GPC6: variants seen among roughly 807,000 people sequenced by gnomAD.
GPC6 encodes glypican 6.
A neutral mutation model predicts 55.2 loss-of-function variants in GPC6; 14 were observed. That is an observed-to-expected ratio of 0.25 (90% CI 0.17 to 0.40). The LOEUF is 0.40. GPC6 is among the 10% of genes least tolerant of loss of function. The pLI is 1.00. For missense variants in GPC6, 641 were observed against 708.5 expected (o/e 0.90, Z 1.08); for synonymous variants, 278 against 259.6 (o/e 1.07, Z -0.68).
chr13:93,274,852 T>C (rs1470013395), intron 1 of GPC6, among the ~76,000 whole-genome samples: 2 of 152,240 alleles, frequency 1.3e-5, no homozygotes, highest in Non-Finnish European at 2.9e-5. Flanking sequence ...AATTTTGATA[T>C]AATTTCCTGT....
chr13:94,088,511 A>G (rs1485286167), intron 4 of GPC6, among the ~76,000 whole-genome samples: 1 of 147,664 alleles, frequency 6.8e-6, no homozygotes, highest in Non-Finnish European at 1.5e-5. Flanking sequence ...CAACTTAGCA[A>G]GACCCTGTCT....
At chr13:94,197,312 A>G (rs1301095441) in intron 4 of GPC6, among the ~76,000 whole-genome samples, 1 of 152,224 alleles carries the variant, frequency 6.6e-6, no homozygotes. Flanking sequence ...CCTGCCAAGC[A>G]TCATCAAGTT....
chr13:93,854,992 G>A (rs1325474093), intron 3 of GPC6, among the ~76,000 whole-genome samples: 1 of 151,560 alleles, frequency 6.6e-6, no homozygotes, highest in Non-Finnish European at 1.5e-5. Flanking sequence ...CCCCACCAGA[G>A]TGGCACATGT....
intron 3 of GPC6, among the ~76,000 whole-genome samples, chr13:93,932,973 CTTTTT>C (rs59362571): frequency 4.9e-5 from 5 of 102,380 alleles, no homozygotes; most frequent in Admixed American, 1.0e-4. Flanking sequence ...TTGTTTTGTT[CTTTTT>C]TTTTTTTTTT....
intron 2 of GPC6, among the ~76,000 whole-genome samples, chr13:93,779,833 TG>T (rs1885582251): frequency 6.6e-6 from 1 of 152,138 alleles, no homozygotes; most frequent in Non-Finnish European, 1.5e-5. Context: ...ATCTGGTGAA[TG>T]GGGAGACTCT....
At chr13:93,345,424 C>T (rs1880392922) in intron 1 of GPC6, among the ~76,000 whole-genome samples, 1 of 151,896 alleles carries the variant, frequency 6.6e-6, no homozygotes, top group Non-Finnish European at 1.5e-5. Context: ...TTGAGTATAG[C>T]AGGGGGCTTG....
intron 1 of GPC6, among the ~76,000 whole-genome samples, chr13:93,420,181 C>T (rs80094971): frequency 0.022 from 3,410 of 152,138 alleles, 119 homozygotes; most frequent in African/African-American, 0.07. Flanking sequence ...GAGTTTTCAC[C>T]GTCCTGATAA....
intron 6 of GPC6, among the ~76,000 whole-genome samples, chr13:94,339,559 A>T (rs1463624176): frequency 1.3e-5 from 2 of 152,160 alleles, no homozygotes; most frequent in Non-Finnish European, 2.9e-5. Flanking sequence ...CTGTTATGTT[A>T]GAACTCTGAG....
intron 4 of GPC6, among the ~76,000 whole-genome samples, chr13:94,226,970 G>T (rs1306758653): frequency 1.3e-5 from 2 of 152,088 alleles, no homozygotes; most frequent in Admixed American, 6.6e-5. Context: ...GGCTTTACAA[G>T]CCACTGATTG....
At chr13:93,605,286 T>A (rs183055866) in intron 2 of GPC6, among the ~76,000 whole-genome samples, 1 of 152,242 alleles carries the variant, frequency 6.6e-6, no homozygotes, top group East Asian at 1.9e-4. Context: ...CTATTTAGAG[T>A]AGATAAGTAA....
chr13:93,494,494 C>A (rs974627155), intron 1 of GPC6, among the ~76,000 whole-genome samples: 2 of 152,110 alleles, frequency 1.3e-5, no homozygotes, highest in Admixed American at 1.3e-4. Context: ...CAGTCTGTGT[C>A]TTTTAATTGG....
intron 1 of GPC6, among the ~76,000 whole-genome samples, chr13:93,309,813 T>C (rs560090529): frequency 1.7e-4 from 26 of 152,362 alleles, no homozygotes; most frequent in Non-Finnish European, 3.1e-4. Context: ...TTGATGGTTC[T>C]TCTTTACTTA....
chr13:93,342,382 G>A (rs2139152537), intron 1 of GPC6, among the ~76,000 whole-genome samples: 1 of 152,272 alleles, frequency 6.6e-6, no homozygotes, highest in East Asian at 1.9e-4. Flanking sequence ...AGGTGAAGGA[G>A]GAGCAAACCC....
chr13:93,409,392 A>T (rs1876412173), intron 1 of GPC6, among the ~76,000 whole-genome samples: 1 of 152,134 alleles, frequency 6.6e-6, no homozygotes, highest in South Asian at 2.1e-4. Flanking sequence ...CACACTTGCA[A>T]CTTGTGCCTG....
intron 1 of GPC6, among the ~76,000 whole-genome samples, chr13:93,330,886 A>G (rs1419996997): frequency 6.6e-6 from 1 of 152,188 alleles, no homozygotes; most frequent in Non-Finnish European, 1.5e-5. Flanking sequence ...TCCTAACATC[A>G]TATCTTCTTA....
intron 2 of GPC6, among the ~76,000 whole-genome samples, chr13:93,595,410 A>G (rs1877681156): frequency 6.6e-6 from 1 of 152,224 alleles, no homozygotes; most frequent in Non-Finnish European, 1.5e-5. Flanking sequence ...CTTTAAATAA[A>G]GTGTAATTTC....
At chr13:94,112,893 C>T (rs746763178) in intron 4 of GPC6, among the ~76,000 whole-genome samples, 4 of 151,906 alleles carry the variant, frequency 2.6e-5, no homozygotes, top group African/African-American at 4.8e-5. Context: ...TTGATGATAG[C>T]ACATGCAAAA....
chr13:94,121,623 C>T (rs1042122702), intron 4 of GPC6, among the ~76,000 whole-genome samples: 5 of 152,146 alleles, frequency 3.3e-5, no homozygotes, highest in East Asian at 3.9e-4. Context: ...ATCTGTTAAG[C>T]GTTATCAATT....
intron 3 of GPC6, among the ~76,000 whole-genome samples, chr13:94,002,482 T>G (rs192884715): frequency 1.3e-5 from 2 of 152,338 alleles, no homozygotes; most frequent in African/African-American, 4.8e-5. Flanking sequence ...TGACCTAGAT[T>G]TATCTTAATT....
Sources: gnomAD v4.1 joint callset for allele counts (sites outside exome capture counted in the v4.1 genomes callset) on GRCh38, gnomAD v4.1.1 for gene constraint, MANE v1.5 for transcripts, NCBI Gene and HGNC (gene_info 2026-07-23, HGNC 2026-07-21) for gene names.